KIF5C: variants seen among roughly 807,000 people sequenced by gnomAD.
The protein encoded by KIF5C is kinesin family member 5C.
Under a neutral mutation model 125.2 loss-of-function variants are expected in KIF5C, and 18 were observed. That is an observed-to-expected ratio of 0.14 (90% CI 0.10 to 0.21). KIF5C has a LOEUF of 0.21. KIF5C is among the 10% of genes least tolerant of loss of function. The pLI is 1.00. For missense variants in KIF5C, 780 were observed against 1,183.8 expected, an observed-to-expected ratio of 0.66 and a Z score of 5.01; for synonymous variants, 405 against 434.0, an observed-to-expected ratio of 0.93 and a Z score of 0.83.
At chr2:148,958,989 A>T (rs1210224541) in intron 10 of KIF5C, among the ~76,000 whole-genome samples, 1 of 152,108 alleles carries the variant, frequency 6.6e-6, no homozygotes, top group Non-Finnish European at 1.5e-5. Flanking sequence ...GTCTCAAAAA[A>T]AAAAAAACTT....
chr2:148,933,295 C>T (rs1006944999), intron 3 of KIF5C, among the ~76,000 whole-genome samples: 24 of 152,134 alleles, frequency 1.6e-4, no homozygotes, highest in African/African-American at 4.6e-4. Flanking sequence ...CTATAGCTCT[C>T]GGCTGTTATC....
intron 1 of KIF5C, among the ~76,000 whole-genome samples, chr2:148,895,924 C>T (rs907132189): frequency 2.6e-5 from 4 of 151,804 alleles, no homozygotes; most frequent in Non-Finnish European, 5.9e-5. Context: ...CATATGAATC[C>T]TATTGAGTCA....
At chr2:149,008,438 C>A (rs1173450320) in intron 23 of KIF5C, among the ~76,000 whole-genome samples, 1 of 152,144 alleles carries the variant, frequency 6.6e-6, no homozygotes. Flanking sequence ...AAAGTGGACA[C>A]CACTGAGCTG....
intron 1 of KIF5C, among the ~76,000 whole-genome samples, chr2:148,917,564 G>A (rs1681610075): frequency 6.6e-6 from 1 of 152,222 alleles, no homozygotes; most frequent in Admixed American, 6.5e-5. Context: ...GGTCATCGTG[G>A]TTGGTGATGG....
At position 149,008,281 on chromosome 2, in the gene KIF5C, A is replaced by G. The variant is rs79410579; in HGVS notation, c.2550+214A>G. Among the ~76,000 whole-genome samples, 2,487 of 152,308 alleles carry G rather than the reference A, an allele frequency of 0.016. 79 individuals are homozygous for G. The highest frequency in any genetic ancestry group is 0.057 in the African/African-American group (2,368 of 41,552). On this transcript the variant is annotated intron_variant, in intron 23 of 25. Coordinates refer to ENST00000435030, the MANE Select transcript of KIF5C (RefSeq NM_004522.3). ...AAAGGACTTTCTTTTATCAAAGCCA[A>G]ATATAACGCATAGGGTTTGAGCTCT...
rs958552104 is a variant in KIF5C at position 149,024,744 on chromosome 2, T to C, written c.*1674T>C. 9 of 152,596 alleles carry C rather than the reference T, an allele frequency of 5.9e-5. No individual in the cohort carries two copies. Among genetic ancestry groups the C allele is most frequent in the African/African-American group, 2.2e-4 (9 of 41,418 alleles). The allele number at this position is 152,596 out of a possible 1,614,324, so 9.5% of individuals were successfully genotyped here. On this transcript the variant is annotated 3_prime_UTR_variant, in exon 26 of 26. Transcript: ENST00000435030. ...ACGACAAATTCTATTGAAGTATTTATTTTGTGAAGATGGCAATTTTGCATT... is the reference window on the plus strand; with the variant it reads ...ACGACAAATTCTATTGAAGTATTTACTTTGTGAAGATGGCAATTTTGCATT...
Position 148,981,574 on chromosome 2 carries a change from G to T in KIF5C, c.1569+13G>T. On this transcript the variant is annotated intron_variant, in intron 14 of 25. Transcript: ENST00000435030. ...GGCCCAGAAAACGGTTGGAGCATTT[G>T]TGTCTAGGGGGTGGGACTTCCTTGG... 1 of 1,575,832 alleles carries T rather than the reference G, an allele frequency of 6.3e-7. No homozygotes were observed. Among genetic ancestry groups the T allele is most frequent in the Non-Finnish European group, 8.6e-7 (1 of 1,161,018 alleles).
At chr2:148,933,722 A>G (rs1447328187) in intron 3 of KIF5C, among the ~76,000 whole-genome samples, 11 of 150,846 alleles carry the variant, frequency 7.3e-5, no homozygotes, top group Non-Finnish European at 1.3e-4. Context: ...TGCACCACAC[A>G]CCACGCCTCC....
At chr2:148,881,537 C>A (rs559809226) in intron 1 of KIF5C, among the ~76,000 whole-genome samples, 1 of 152,138 alleles carries the variant, frequency 6.6e-6, no homozygotes, top group East Asian at 1.9e-4. Context: ...AATCACGACT[C>A]CATAAATGCC....
chr2:148,956,050 T>C (rs923163826), intron 10 of KIF5C, among the ~76,000 whole-genome samples: 1 of 152,050 alleles, frequency 6.6e-6, no homozygotes, highest in Non-Finnish European at 1.5e-5. Context: ...GAAATATGAG[T>C]GTAGGAAACC....
intron 1 of KIF5C, among the ~76,000 whole-genome samples, chr2:148,915,490 A>T (rs961838247): frequency 6.6e-6 from 1 of 152,126 alleles, no homozygotes; most frequent in African/African-American, 2.4e-5. Flanking sequence ...GAAAAGGTGT[A>T]CCCCCTTTCC....
At chr2:148,997,190 T>G in intron 17 of KIF5C, 74 bp from the exon 18 acceptor site, 1 of 1,543,638 alleles carries the variant, frequency 6.5e-7, no homozygotes. Context: ...TCTTGCTTTT[T>G]GTTTTTTAAT....
intron 25 of KIF5C, among the ~76,000 whole-genome samples, chr2:149,021,227 T>C (rs1377092264): frequency 1.3e-5 from 2 of 152,116 alleles, no homozygotes; most frequent in Non-Finnish European, 2.9e-5. Flanking sequence ...CATGCCGGGC[T>C]AATTTTTGTA....
At chr2:148,905,647 A>G (rs1025915536) in intron 1 of KIF5C, among the ~76,000 whole-genome samples, 1 of 152,212 alleles carries the variant, frequency 6.6e-6, no homozygotes, top group African/African-American at 2.4e-5. Context: ...GATAGCACAC[A>G]TGTAGTCATG....
chr2:148,964,611 C>T (rs1196043783), intron 11 of KIF5C, among the ~76,000 whole-genome samples: 1 of 151,964 alleles, frequency 6.6e-6, no homozygotes, highest in Non-Finnish European at 1.5e-5. Context: ...AACAGGGGGC[C>T]CTGACCTTGA....
chr2:148,946,593 G>T (rs771979885), intron 7 of KIF5C, among the ~76,000 whole-genome samples: 2 of 152,306 alleles, frequency 1.3e-5, no homozygotes, highest in Non-Finnish European at 1.5e-5. Context: ...CAAGGGGAAA[G>T]TCATGCTGGA....
At chr2:148,927,051 A>G (rs1374598439) in intron 2 of KIF5C, among the ~76,000 whole-genome samples, 2 of 152,220 alleles carry the variant, frequency 1.3e-5, no homozygotes, top group African/African-American at 4.8e-5. Flanking sequence ...CAGATTCTCC[A>G]AGTACAGTCT....
chr2:149,012,231 T>C (rs1682229360), intron 25 of KIF5C, among the ~76,000 whole-genome samples: 1 of 149,526 alleles, frequency 6.7e-6, no homozygotes, highest in African/African-American at 2.6e-5. Flanking sequence ...ACAACCCATG[T>C]GCACGACATT....
At chr2:149,009,129 A>T (rs1682104752) in intron 23 of KIF5C, among the ~76,000 whole-genome samples, 1 of 151,144 alleles carries the variant, frequency 6.6e-6, no homozygotes, top group South Asian at 2.1e-4. Context: ...AGCTGGGATT[A>T]CAGGTGCGCG....
Sources: allele counts gnomAD v4.1 joint callset (sites outside exome capture counted in the v4.1 genomes callset), GRCh38; gene constraint gnomAD v4.1.1; transcripts MANE v1.5; gene names NCBI Gene and HGNC (gene_info 2026-07-23, HGNC 2026-07-21).